Variants in TMPRSS9 observed in about 807,000 individuals in gnomAD.
The protein encoded by TMPRSS9 is transmembrane protease serine 9.
In TMPRSS9, 113 loss-of-function variants were observed where a neutral mutation model predicts 111.4. That is an observed-to-expected ratio of 1.01 (90% CI 0.87 to 1.19). TMPRSS9 has a LOEUF of 1.19. Ranked by LOEUF, TMPRSS9 falls within the 50% of genes most tolerant of loss-of-function variation. The pLI, the probability that TMPRSS9 is intolerant of heterozygous loss-of-function variation, is 0.00. For missense variants in TMPRSS9, 1,803 were observed against 1,513.1 expected, an observed-to-expected ratio of 1.19 and a Z score of -3.18; for synonymous variants, 805 against 659.1, an observed-to-expected ratio of 1.22 and a Z score of -3.39.
At chr19:2,391,601 C>CGTGTGT (rs10636442) in intron 1 of TMPRSS9, among the ~76,000 whole-genome samples, 7 of 149,366 alleles carry the variant, frequency 4.7e-5, no homozygotes, top group African/African-American at 9.8e-5. Flanking sequence ...TGTGTGCATG[C>CGTGTGT]GTGTGTGTGT....
At chr19:2,395,029 C>T (rs1389862052) in intron 1 of TMPRSS9, among the ~76,000 whole-genome samples, 5 of 152,182 alleles carry the variant, frequency 3.3e-5, no homozygotes, top group African/African-American at 4.8e-5. Flanking sequence ...GCCTGTCATC[C>T]CGGCACTTTG....
chr19:2,404,696 C>T lies in TMPRSS9; in HGVS notation c.671-678C>T, dbSNP rs192794927. Among the ~76,000 whole-genome samples, 140 of 152,052 alleles carry T rather than the reference C, an allele frequency of 9.2e-4. 1 individual carries two copies. Among genetic ancestry groups the T allele is most frequent in the African/African-American group, 3.0e-3 (123 of 41,510 alleles). ...CTGTAATCCCAGCACTTTGGGACGCCGAGGCAGGCAGATCACTTGATGTCA... is the reference window on the plus strand; with the variant it reads ...CTGTAATCCCAGCACTTTGGGACGCTGAGGCAGGCAGATCACTTGATGTCA... On this transcript the variant is annotated intron_variant, in intron 6 of 17. Transcript: ENST00000648592.
At chr19:2,390,215 C>T (rs1183630380) in intron 1 of TMPRSS9, among the ~76,000 whole-genome samples, 2 of 139,288 alleles carry the variant, frequency 1.4e-5, no homozygotes, top group African/African-American at 5.4e-5. Context: ...GGCAAATCAG[C>T]AAAATACCCA....
intron 5 of TMPRSS9, among the ~76,000 whole-genome samples, 198 bp from the exon 7 acceptor site, chr19:2,402,884 T>C (rs1970881257): frequency 6.6e-6 from 1 of 152,130 alleles, no homozygotes; most frequent in Non-Finnish European, 1.5e-5. Flanking sequence ...GAGCTGTGAT[T>C]GCACCACTGC....
chr19:2,383,902 G>A (rs1485168528), intron 1 of TMPRSS9, among the ~76,000 whole-genome samples: 3 of 151,948 alleles, frequency 2.0e-5, no homozygotes, highest in Non-Finnish European at 2.9e-5. Context: ...ACCAAAGCCC[G>A]GCCAAGGTAT....
chr19:2,380,375 C>T (rs1970376811), intron 1 of TMPRSS9, among the ~76,000 whole-genome samples: 1 of 151,660 alleles, frequency 6.6e-6, no homozygotes. Context: ...GTGGGTGGAT[C>T]GTTTGAGGTC....
exon 9 of TMPRSS9, chr19:2,410,286 C>T: frequency 1.2e-6 from 2 of 1,613,984 alleles, no homozygotes; most frequent in Admixed American, 1.7e-5. Flanking sequence ...TGCAGAAAGC[C>T]ACTGTGGAGC....
At chr19:2,371,042 C>A (rs1970285727) in intron 1 of TMPRSS9, among the ~76,000 whole-genome samples, 1 of 152,072 alleles carries the variant, frequency 6.6e-6, no homozygotes, top group African/African-American at 2.4e-5. Context: ...TCTCCCAGGG[C>A]CAATACCTAC....
In TMPRSS9 at chr19:2,389,868, C is replaced by G. The variant is rs201916796; in HGVS notation, c.83C>G (p.Ala28Gly). Residue 28 changes from alanine to glycine, a missense_variant, in exon 1 of 18, where the codon GCG (alanine) becomes GGG (glycine). Coordinates refer to ENST00000648592, the Ensembl canonical transcript of TMPRSS9. ...GCTCTGGATGCCGCGTGCTGTCGAG[C>G]GGCCAGCATTGGCGTGGTGGCCACC... is the stretch of plus-strand genomic sequence containing the variant. The G allele has an allele frequency of 1.4e-4, 229 of 1,613,888 alleles. No homozygotes were observed. Among genetic ancestry groups the G allele is most frequent in the Non-Finnish European group, 1.9e-4 (224 of 1,179,966 alleles).
rs978871218 is a variant in TMPRSS9, at chr19:2,377,429, C to A, written c.-25-12332C>A. 6.4e-5 allele frequency among the ~76,000 whole-genome samples: 9 copies of A among 140,010 alleles called. No individual in the cohort carries two copies. In the South Asian group the frequency reaches 1.2e-3, roughly 19 times the overall value. The allele number at this position is 140,010 out of a possible 152,430, so 91.9% of individuals were successfully genotyped here. On this transcript the variant is annotated intron_variant, in intron 1 of 17. Transcript: ENST00000649857. ...GTATTACAGGCATGAGCCACCACAC[C>A]TGGTCTTCCTTTCTTTCCTTCTCCC...
intron 1 of TMPRSS9, 78 bp downstream of exon 2, chr19:2,390,005 C>A: frequency 6.5e-7 from 1 of 1,528,012 alleles, no homozygotes; most frequent in South Asian, 1.2e-5. Flanking sequence ...TTGATGGTGT[C>A]TCCTTGGCCA....
At chr19:2,404,907 G>A (rs892774147) in intron 6 of TMPRSS9, among the ~76,000 whole-genome samples, 2 of 148,288 alleles carry the variant, frequency 1.3e-5, no homozygotes, top group Non-Finnish European at 3.0e-5. Context: ...ACTCCAGCCT[G>A]GACAACAGAG....
chr19:2,374,416 A>ACTGTCTG lies in TMPRSS9; in HGVS notation c.-26+14056_-26+14057insCTGTCTG, dbSNP rs1219760121. Among the ~76,000 whole-genome samples the ACTGTCTG allele has an allele frequency of 8.8e-5, 11 of 125,204 alleles. No individual in the cohort carries two copies. In the East Asian group the frequency reaches 1.0e-3, roughly 12 times the overall value. The allele number at this position is 125,204 out of a possible 152,430, so 82.1% of individuals were successfully genotyped here. On this transcript the variant is annotated intron_variant, in intron 1 of 17. Transcript: ENST00000649857. ...GGTGAAACCCCGTCTCTACTAAAAA[A>ACTGTCTG]TACAAAAATTAGCTGGGTGTGGTGG...
At chr19:2,387,430 G>A (rs973692084), upstream of TMPRSS9, among the ~76,000 whole-genome samples, 7 of 152,022 alleles carry the variant, frequency 4.6e-5, 1 homozygote, top group Non-Finnish European at 1.0e-4. Flanking sequence ...GGGAGGCAGA[G>A]GTTGCAGTGA....
exon 15 of TMPRSS9, chr19:2,424,211 C>T: frequency 1.4e-6 from 2 of 1,443,262 alleles, no homozygotes; most frequent in Admixed American, 2.5e-5. Flanking sequence ...CGGGGCCGTG[C>T]TGGTGGCAGA....
At chr19:2,412,924 T>C (rs1355776593) in intron 9 of TMPRSS9, among the ~76,000 whole-genome samples, 1 of 152,144 alleles carries the variant, frequency 6.6e-6, no homozygotes, top group Non-Finnish European at 1.5e-5. Context: ...CCAGGCACGG[T>C]GGCTCACGCC....
At chr19:2,383,719 G>A (rs1178299607) in intron 1 of TMPRSS9, among the ~76,000 whole-genome samples, 1 of 146,324 alleles carries the variant, frequency 6.8e-6, no homozygotes, top group African/African-American at 2.5e-5. Flanking sequence ...TGGGAGGATC[G>A]CTTGAGCCCA....
At chr19:2,415,971 G>T in intron 11 of TMPRSS9, 130 bp downstream of exon 12, 1 of 1,133,554 alleles carries the variant, frequency 8.8e-7, no homozygotes, top group East Asian at 2.9e-5. Flanking sequence ...CCTGAGGGCA[G>T]CTGAGAGACA....
intron 1 of TMPRSS9, among the ~76,000 whole-genome samples, chr19:2,364,165 G>A (rs1213963404): frequency 6.6e-6 from 1 of 151,876 alleles, no homozygotes; most frequent in Non-Finnish European, 1.5e-5. Context: ...CTGGGTGACG[G>A]AGTGAGACCC....
Sources: gnomAD v4.1 joint callset for allele counts (sites outside exome capture counted in the v4.1 genomes callset) on GRCh38, gnomAD v4.1.1 for gene constraint, MANE v1.5 for transcripts, NCBI Gene and HGNC (gene_info 2026-07-23, HGNC 2026-07-21) for gene names.